COG5: variants seen among roughly 807,000 people sequenced by gnomAD.
The protein encoded by COG5 is conserved oligomeric Golgi complex subunit 5.
Under a neutral mutation model 110.4 loss-of-function variants are expected in COG5, and 86 were observed. That is an observed-to-expected ratio of 0.78 (90% CI 0.65 to 0.93). COG5 has a LOEUF of 0.93. Among genes scored for constraint, COG5 ranks in the 40% least tolerant of loss-of-function variants. The probability of loss-of-function intolerance (pLI) is 0.00; values close to 1 mark genes in which losing one functional copy is unlikely to be tolerated. For missense variants in COG5, 1,077 were observed against 987.0 expected (o/e 1.09, Z -1.22); for synonymous variants, 360 against 334.6 (o/e 1.08, Z -0.83).
At chr7:107,489,605 T>C (rs1054007960) in intron 6 of COG5, among the ~76,000 whole-genome samples, 4 of 152,006 alleles carry the variant, frequency 2.6e-5, no homozygotes, top group Non-Finnish European at 5.9e-5. Context: ...AAGAAAAAAA[T>C]CTATGTTTAG....
At chr7:107,262,257 T>C (rs1803415946) in intron 14 of COG5, among the ~76,000 whole-genome samples, 1 of 152,190 alleles carries the variant, frequency 6.6e-6, no homozygotes. Context: ...CACCTTCTCA[T>C]GCTATCTCAC....
At chr7:107,386,125 A>T (rs887664133) in intron 7 of COG5, among the ~76,000 whole-genome samples, 4 of 152,034 alleles carry the variant, frequency 2.6e-5, no homozygotes, top group African/African-American at 9.7e-5. Context: ...GGATAGAGTT[A>T]CAGTTGAAGG....
chr7:107,409,452 G>C (rs1382545659), intron 7 of COG5, among the ~76,000 whole-genome samples: 1 of 150,854 alleles, frequency 6.6e-6, no homozygotes, highest in East Asian at 1.9e-4. Context: ...AGCCACAATA[G>C]TGTAGACTGG....
chr7:107,203,953 G>A (rs1328534833), intron 21 of COG5, among the ~76,000 whole-genome samples: 2 of 152,116 alleles, frequency 1.3e-5, no homozygotes, highest in Non-Finnish European at 2.9e-5. Context: ...TGAAGACACC[G>A]GCAACGGAAT....
intron 6 of COG5, among the ~76,000 whole-genome samples, chr7:107,512,084 T>G (rs1028167312): frequency 1.3e-5 from 2 of 152,110 alleles, no homozygotes; most frequent in African/African-American, 4.8e-5. Flanking sequence ...GGTATTCAAT[T>G]AGGAAAATAG....
chr7:107,394,758 C>CA (rs1790867772), intron 7 of COG5, among the ~76,000 whole-genome samples: 2 of 152,034 alleles, frequency 1.3e-5, no homozygotes, highest in South Asian at 2.1e-4. Context: ...AAATAAAATG[C>CA]AAAAAATGAC....
chr7:107,414,973 G>A (rs866570028), intron 6 of COG5, among the ~76,000 whole-genome samples: 30 of 151,638 alleles, frequency 2.0e-4, no homozygotes, highest in African/African-American at 5.8e-4. Flanking sequence ...TGATCCACCC[G>A]CCTCGGCCTC....
intron 1 of COG5, chr7:107,563,547 G>GT (rs1804145474): frequency 4.4e-5 from 12 of 272,334 alleles, no homozygotes; most frequent in Admixed American, 5.9e-5. Flanking sequence ...GGAGGCATGG[G>GT]GGGGGGGGGG....
intron 20 of COG5, 58 bp from the exon 21 acceptor site, chr7:107,210,663 C>A: frequency 1.3e-6 from 2 of 1,529,324 alleles, no homozygotes; most frequent in Non-Finnish European, 8.9e-7. Flanking sequence ...TAAATGGCAG[C>A]AAGTGCTGGT....
chr7:107,555,887 A>C (rs1803277892), intron 2 of COG5, among the ~76,000 whole-genome samples: 1 of 151,990 alleles, frequency 6.6e-6, no homozygotes, highest in East Asian at 1.9e-4. Context: ...GGTGGTGCAC[A>C]CCTGTAATCT....
At chr7:107,230,736 T>G (rs1031851388) in intron 18 of COG5, 45 bp from the exon 19 acceptor site, 5 of 1,449,144 alleles carry the variant, frequency 3.5e-6, no homozygotes, top group Admixed American at 1.7e-5. Context: ...TCAGAATCAT[T>G]AGGGGAATTT....
At position 107,443,953 on chromosome 7, in the gene COG5, A is replaced by G. The variant is rs192547277; in HGVS notation, c.539-31321T>C. Among the ~76,000 whole-genome samples the G allele has an allele frequency of 3.3e-5, 5 of 152,350 alleles. No homozygotes were observed. The East Asian group carries it at 9.6e-4, about 29-fold the overall frequency. On this transcript the variant is annotated intron_variant, in intron 6 of 21. Transcript: ENST00000297135. ...CTGATTTGTTTGTAGGAATCTACAG[A>G]TTCTGCACAAATTAAATATTTCAGA...
intron 21 of COG5, among the ~76,000 whole-genome samples, chr7:107,207,502 TAAG>T (rs1412708696): frequency 2.0e-5 from 3 of 152,332 alleles, no homozygotes; most frequent in South Asian, 4.1e-4. Context: ...AAGAGGGCCA[TAAG>T]AAGAAGAGTT....
chr7:107,517,356 G>T (rs925998415), intron 6 of COG5, among the ~76,000 whole-genome samples: 1 of 151,912 alleles, frequency 6.6e-6, no homozygotes, highest in Admixed American at 6.6e-5. Context: ...TAAAAATAAA[G>T]AACCTATGAT....
At chr7:107,524,517 C>T (rs1361232793) in intron 6 of COG5, among the ~76,000 whole-genome samples, 1 of 152,138 alleles carries the variant, frequency 6.6e-6, no homozygotes, top group Non-Finnish European at 1.5e-5. Flanking sequence ...AGAGAAGTTC[C>T]AATCACAGAA....
chr7:107,372,855 C>CCTG, intron 7 of COG5, 95 bp from the exon 8 acceptor site: 5 of 1,169,426 alleles, frequency 4.3e-6, no homozygotes, highest in Non-Finnish European at 6.1e-6. Flanking sequence ...CTTCAGCAGT[C>CCTG]CTATCATATT....
At chr7:107,315,113 C>G (rs1490845256) in intron 11 of COG5, among the ~76,000 whole-genome samples, 3 of 150,870 alleles carry the variant, frequency 2.0e-5, no homozygotes, top group Non-Finnish European at 4.4e-5. Context: ...CATTAATTTT[C>G]AAGAAATATT....
Position 107,299,659 on chromosome 7 carries a change from T to C in COG5, c.1109-1313A>G, listed in dbSNP as rs1046422591. On this transcript the variant is annotated intron_variant, in intron 11 of 21. Transcript: ENST00000297135. Reference sequence around the variant, plus strand: ...ATTCATTCTGAGGCCAGCACTGCCCTGATATAAAAACCAGATACTAAAGAA... The same window carrying C: ...ATTCATTCTGAGGCCAGCACTGCCCCGATATAAAAACCAGATACTAAAGAA... Among the ~76,000 whole-genome samples, 3 of 151,578 alleles carry C rather than the reference T, an allele frequency of 2.0e-5. No homozygotes were observed. The East Asian group carries it at 5.8e-4, about 29-fold the overall frequency.
intron 12 of COG5, among the ~76,000 whole-genome samples, chr7:107,284,444 C>T (rs1805458122): frequency 6.6e-6 from 1 of 152,152 alleles, no homozygotes; most frequent in African/African-American, 2.4e-5. Context: ...TTAGCTTGGC[C>T]CTTTCCATCC....
Sources: gnomAD v4.1 joint callset for allele counts (sites outside exome capture counted in the v4.1 genomes callset) on GRCh38, gnomAD v4.1.1 for gene constraint, MANE v1.5 for transcripts, NCBI Gene and HGNC (gene_info 2026-07-23, HGNC 2026-07-21) for gene names.